The following DENND6B variants were observed in gnomAD, a reference collection of about 807,000 sequenced individuals.
The protein encoded by DENND6B is DENN domain containing 6B.
DENND6B carries 73 observed loss-of-function variants against 85.1 expected under a neutral mutation model. That is an observed-to-expected ratio of 0.86 (90% CI 0.71 to 1.04). DENND6B has a LOEUF of 1.04. DENND6B is among the 50% of genes least tolerant of loss of function. The pLI is 0.00. For synonymous variants in DENND6B, 357 were observed against 329.3 expected (o/e 1.08, Z -0.91); for missense variants, 715 against 785.8 (o/e 0.91, Z 1.08).
Position 50,326,799 on chromosome 22 carries a change from C to T in DENND6B, c.177+13G>A. On this transcript the variant is annotated intron_variant, in intron 1 of 19. Transcript: ENST00000413817. ...CTGCCCACCCGCCCGCGCCCGCGCT[C>T]GCGCCCGCTCACCTCCAGCGCCTGG... 3.6e-6 allele frequency: 5 copies of T among 1,382,344 alleles called. No individual in the cohort carries two copies. Among genetic ancestry groups the T allele is most frequent in the Non-Finnish European group, 9.3e-7 (1 of 1,073,390 alleles). The allele number at this position is 1,382,344 out of a possible 1,614,324, so 85.6% of individuals were successfully genotyped here.
Position 50,319,003 on chromosome 22 carries a change from G to T in DENND6B, c.178C>A (p.Leu60Met), listed in dbSNP as rs762680364. The T allele has an allele frequency of 1.3e-6, 2 of 1,597,270 alleles. No homozygotes were observed. The highest frequency in any genetic ancestry group is 2.3e-5 in the South Asian group (2 of 88,396). The change falls in exon 2 of 20, where the codon CTG becomes ATG. Residue 60 changes from leucine to methionine, a missense_variant and splice_region_variant. Coordinates refer to ENST00000413817, the MANE Select transcript of DENND6B (RefSeq NM_001001794.4). ...FDLELGQALELVYPNDFRLTD... is the reference protein window; with the variant it reads ...FDLELGQALEMVYPNDFRLTD... ...AGCCGGAAGTCGTTCGGATACACCA[G>T]CTGCAGAGGAAGACAGAGTGCTTGG...
In DENND6B at chr22:50,313,464, C is replaced by T. The variant is rs1264571656; in HGVS notation, c.1329G>A (p.Lys443=). ...CCCCCACCTTCCAGGGCGTGATGCT[C>T]TTCTGCAGGGGCATGAGGCTGGCCA... ...HYMASLMPLQ[K]SITPWKTPPQ... Residue 443 remains lysine, a synonymous_variant, in exon 16 of 20, where the codon AAG becomes AAA. Transcript: ENST00000413817. The T allele has an allele frequency of 6.5e-7, 1 of 1,549,060 alleles. No individual in the cohort carries two copies. Among genetic ancestry groups the T allele is most frequent in the Admixed American group, 1.9e-5 (1 of 51,404 alleles).
At chr22:50,316,676 T>A in intron 5 of DENND6B, 1 of 1,496,642 alleles carries the variant, frequency 6.7e-7, no homozygotes, top group East Asian at 2.7e-5. Flanking sequence ...AACACTGAAC[T>A]CCCTGGGTGG....
chr22:50,313,145 G>T (rs367677554), intron 16 of DENND6B, 37 bp from the exon 17 acceptor site: 1 of 1,526,654 alleles, frequency 6.6e-7, no homozygotes, highest in Non-Finnish European at 8.9e-7. Context: ...GTGGGAACTC[G>T]GCCTCACAGG....
At chr22:50,319,230 C>T in intron 1 of DENND6B, 1 of 1,464,336 alleles carries the variant, frequency 6.8e-7, no homozygotes, top group Non-Finnish European at 9.0e-7. Flanking sequence ...ATCCTCCCCA[C>T]ACCACCTTCT....
intron 4 of DENND6B, 63 bp from the exon 5 acceptor site, chr22:50,317,436 T>C: frequency 6.3e-7 from 1 of 1,587,170 alleles, no homozygotes; most frequent in East Asian, 2.2e-5. Flanking sequence ...GCCCCAGGGC[T>C]GGGAGTGGCA....
rs748747890 is a variant in DENND6B, at chr22:50,312,072, G to A, written c.*67C>T. Reference sequence around the variant, plus strand: ...GGGAGCGTGTGCTTGGCCCAGTGCCGCCACCACTGGGGAGTGGGAGGCTCA... The same window carrying A: ...GGGAGCGTGTGCTTGGCCCAGTGCCACCACCACTGGGGAGTGGGAGGCTCA... On this transcript the variant is annotated 3_prime_UTR_variant, in exon 20 of 20. Transcript: ENST00000413817. 2.9e-4 allele frequency: 453 copies of A among 1,575,586 alleles called. 2 individuals carry two copies. The highest frequency in any genetic ancestry group is 2.5e-3 in the Middle Eastern group (12 of 4,840).
chr22:50,311,841 C>T lies in DENND6B; in HGVS notation c.*298G>A. On this transcript the variant is annotated 3_prime_UTR_variant, in exon 20 of 20. Coordinates refer to ENST00000413817, the MANE Select transcript of DENND6B (RefSeq NM_001001794.4). ...GAGGGGCAGACGGTAGACGCACCCA[C>T]ATCAGCAAGGGCTCCCAGCCTGTCC... 2.2e-6 allele frequency: 1 copy of T among 446,268 alleles called. No individual in the cohort carries two copies. The highest frequency in any genetic ancestry group is 4.1e-6 in the Non-Finnish European group (1 of 246,234). 27.6% of individuals were successfully genotyped at this position (446,268 alleles called of 1,614,324 possible). A position where few individuals can be genotyped will look rare whatever the true frequency, so the allele number is the denominator to read the frequency against.
rs73891220 is a variant in DENND6B, at chr22:50,313,740, G to A, written c.1204-16C>T. 533,624 of 1,602,212 alleles carry A rather than the reference G, an allele frequency of 0.33. 91,943 individuals are homozygous for A. Among genetic ancestry groups the A allele is most frequent in the South Asian group, 0.53 (46,989 of 89,392 alleles). On this transcript the variant is annotated splice_polypyrimidine_tract_variant and intron_variant, in intron 14 of 19. Coordinates refer to ENST00000413817, the MANE Select transcript of DENND6B (RefSeq NM_001001794.4). The stretch of plus-strand genomic sequence containing the variant: ...TCTGCACGCCCTGCAGGGGAGAGAG[G>A]GCCAGGCCCTTGCTGCGCTTCACAC...
Position 50,313,866 on chromosome 22 carries a change from G to A in DENND6B, c.1151C>T (p.Ala384Val). 1 of 1,611,006 alleles carries A rather than the reference G, an allele frequency of 6.2e-7. No homozygotes were observed. Among genetic ancestry groups the A allele is most frequent in the Non-Finnish European group, 8.5e-7 (1 of 1,179,544 alleles). The change falls in exon 14 of 20, where the codon GCT (alanine) becomes GTT (valine). Residue 384 changes from alanine (A) to valine (V), a missense_variant. Coordinates refer to ENST00000413817, the MANE Select transcript of DENND6B (RefSeq NM_001001794.4). Reference sequence around the variant, plus strand: ...GTCGCGGTGGAGGTGGGCCGTGTAAGCGGTGTAGAGGCCTGGCGGGAGGGC... The same window carrying A: ...GTCGCGGTGGAGGTGGGCCGTGTAAACGGTGTAGAGGCCTGGCGGGAGGGC... ...TLDTKPGLYTAYTAHLHRDKA... is the reference protein window; with the variant it reads ...TLDTKPGLYTVYTAHLHRDKA...
rs2068064792 is a variant in DENND6B, at chr22:50,311,818, G to A, written c.*321C>T. ...GGGGGCCAACAGATGGGCACCGGGA[G>A]GGGCAGACGGTAGACGCACCCACAT... On this transcript the variant is annotated 3_prime_UTR_variant, in exon 20 of 20. Transcript: ENST00000413817. 5.1e-6 allele frequency: 2 copies of A among 394,740 alleles called. No individual in the cohort carries two copies. The highest frequency in any genetic ancestry group is 2.7e-5 in the South Asian group (1 of 37,344). The allele number at this position is 394,740 out of a possible 1,614,324, so 24.5% of individuals were successfully genotyped here. A position where few individuals can be genotyped will look rare whatever the true frequency, so the allele number is the denominator to read the frequency against.
At chr22:50,321,598 G>A (rs1217396065) in intron 1 of DENND6B, among the ~76,000 whole-genome samples, 2 of 151,984 alleles carry the variant, frequency 1.3e-5, no homozygotes, top group East Asian at 1.9e-4. Context: ...TTCTAACCTC[G>A]TGATCCACCC....
At chr22:50,320,693 G>C (rs896644444) in intron 1 of DENND6B, among the ~76,000 whole-genome samples, 43 of 152,186 alleles carry the variant, frequency 2.8e-4, no homozygotes, top group African/African-American at 1.0e-3. Context: ...GCTCCATGAG[G>C]GGCTGGAGAT....
In DENND6B at chr22:50,316,037, C is replaced by T. The variant is rs62241230; in HGVS notation, c.690G>A (p.Gln230=). The T allele has an allele frequency of 0.35, 557,444 of 1,612,486 alleles. 99,347 individuals carry two copies. The highest frequency in any genetic ancestry group is 0.53 in the South Asian group (48,142 of 91,080). ...VDKSESSPPK[Q]FDQENLLPAP... Reference sequence around the variant, plus strand: ...CCTCAGCTCCCACCTCTTGGTCAAACTGCTTCGGAGGACTGGACTCGGACT... The same window carrying T: ...CCTCAGCTCCCACCTCTTGGTCAAATTGCTTCGGAGGACTGGACTCGGACT... Residue 230 remains glutamine (Q), a synonymous_variant, in exon 8 of 20, where the codon CAG becomes CAA. Coordinates refer to ENST00000413817, the MANE Select transcript of DENND6B (RefSeq NM_001001794.4).
chr22:50,324,730 G>A (rs1167148444), intron 1 of DENND6B, among the ~76,000 whole-genome samples: 2 of 152,160 alleles, frequency 1.3e-5, no homozygotes, highest in East Asian at 1.9e-4. Flanking sequence ...AGCCTTCAAA[G>A]TGATTTACTG....
At chr22:50,319,116 G>A (rs1411186991) in intron 1 of DENND6B, 113 bp from the exon 2 acceptor site, 1 of 1,540,430 alleles carries the variant, frequency 6.5e-7, no homozygotes, top group Non-Finnish European at 8.7e-7. Flanking sequence ...TGTCTGTGGG[G>A]CGCAGGTCAG....
At chr22:50,319,216 C>A (rs1716049168) in intron 1 of DENND6B, 8 of 1,477,142 alleles carry the variant, frequency 5.4e-6, no homozygotes, top group Non-Finnish European at 7.2e-6. Context: ...CAACAGCATG[C>A]TGCATCCTCC....
intron 1 of DENND6B, among the ~76,000 whole-genome samples, chr22:50,325,013 A>G (rs955878447): frequency 2.6e-5 from 4 of 152,194 alleles, no homozygotes; most frequent in African/African-American, 9.6e-5. Context: ...GTAAGTGACT[A>G]AAACGACCTC....
intron 1 of DENND6B, among the ~76,000 whole-genome samples, chr22:50,323,017 A>T (rs2042095380): frequency 1.0e-5 from 1 of 99,050 alleles, no homozygotes; most frequent in Non-Finnish European, 2.0e-5. Context: ...TGCCCGGCTA[A>T]TGCTTTTTTT....
Sources: allele counts gnomAD v4.1 joint callset (sites outside exome capture counted in the v4.1 genomes callset), GRCh38; gene constraint gnomAD v4.1.1; transcripts MANE v1.5; gene names NCBI Gene and HGNC (gene_info 2026-07-23, HGNC 2026-07-21).